Variants in AOPEP observed in about 807,000 individuals in gnomAD.
AOPEP encodes aminopeptidase O.
AOPEP carries 77 observed loss-of-function variants against 98.1 expected under a neutral mutation model. The observed-to-expected ratio is 0.78, with a 90% confidence interval of 0.65 to 0.95. AOPEP has a LOEUF of 0.95. Among genes scored for constraint, AOPEP ranks in the 40% least tolerant of loss-of-function variants. AOPEP has a pLI of 0.00. For missense variants in AOPEP, 1,024 were observed against 1,024.7 expected (o/e 1.00, Z 0.01); for synonymous variants, 346 against 365.3 (o/e 0.95, Z 0.60).
chr9:95,141,480 G>A, the AOPEP span, among the ~76,000 whole-genome samples: 6 of 151,988 alleles, frequency 3.9e-5, no homozygotes, highest in African/African-American at 9.7e-5. Flanking sequence ...TCACCTATAT[G>A]ATTTGACAAC....
At chr9:94,937,960 C>T (rs1484945747) in intron 7 of AOPEP, among the ~76,000 whole-genome samples, 1 of 152,208 alleles carries the variant, frequency 6.6e-6, no homozygotes, top group Non-Finnish European at 1.5e-5. Flanking sequence ...GCAACCTCCA[C>T]CTCCCTGGGT....
At position 94,793,154 on chromosome 9, in the gene AOPEP, A is replaced by G. The variant is rs547794622; in HGVS notation, c.1118+236A>G. On this transcript the variant is annotated intron_variant, in intron 4 of 16. Coordinates refer to ENST00000375315, the MANE Select transcript of AOPEP (RefSeq NM_001193329.3). ...GCCGAGGCGGGTGGATCACGAGGTC[A>G]AGAGACTGAGACCATCCTGACCAAC... 3.2e-4 allele frequency among the ~76,000 whole-genome samples: 48 copies of G among 152,158 alleles called. No homozygotes were observed. The South Asian group carries it at 6.2e-3, about 20-fold the overall frequency.
At chr9:95,102,230 C>G in the AOPEP span, among the ~76,000 whole-genome samples, 2 of 152,242 alleles carry the variant, frequency 1.3e-5, no homozygotes, top group Non-Finnish European at 2.9e-5. Flanking sequence ...TGTGGCTTGA[C>G]TTTCTGCAAA....
At chr9:94,916,576 A>G (rs1193018476) in intron 5 of AOPEP, among the ~76,000 whole-genome samples, 3 of 151,750 alleles carry the variant, frequency 2.0e-5, no homozygotes, top group Admixed American at 1.3e-4. Context: ...GGTGGGGCAC[A>G]CCTGTAGTCC....
chr9:95,127,162 T>C, the AOPEP span: 1 of 154,132 alleles, frequency 6.5e-6, no homozygotes, highest in Non-Finnish European at 1.4e-5. Flanking sequence ...ATCTAATTTC[T>C]CCTTGAATAT....
intron 14 of AOPEP, among the ~76,000 whole-genome samples, chr9:95,076,047 G>A (rs1421303594): frequency 2.0e-5 from 3 of 152,214 alleles, no homozygotes; most frequent in Non-Finnish European, 4.4e-5. Flanking sequence ...GGTAGCTACC[G>A]CTTCCATGGT....
At chr9:94,815,195 A>T (rs1851434961) in intron 5 of AOPEP, among the ~76,000 whole-genome samples, 1 of 152,166 alleles carries the variant, frequency 6.6e-6, no homozygotes, top group Admixed American at 6.5e-5. Context: ...TGATAAATGT[A>T]AAGTGGCCTC....
chr9:94,867,612 T>A (rs1032407154), intron 5 of AOPEP, among the ~76,000 whole-genome samples: 3 of 152,258 alleles, frequency 2.0e-5, no homozygotes, highest in Non-Finnish European at 2.9e-5. Context: ...TGATTTCTTA[T>A]TCTGTCAGAC....
At chr9:94,924,680 G>T (rs1185278115) in intron 6 of AOPEP, among the ~76,000 whole-genome samples, 1 of 152,190 alleles carries the variant, frequency 6.6e-6, no homozygotes, top group Admixed American at 6.5e-5. Flanking sequence ...AGCAGGGGCG[G>T]TATAGATTAG....
chr9:94,806,429 C>G (rs1251362331), intron 5 of AOPEP, among the ~76,000 whole-genome samples: 1 of 152,146 alleles, frequency 6.6e-6, no homozygotes, highest in Non-Finnish European at 1.5e-5. Context: ...GCAGCTCATA[C>G]CATCCTTTTT....
the AOPEP span, among the ~76,000 whole-genome samples, chr9:95,126,159 C>T: frequency 6.6e-6 from 1 of 152,126 alleles, no homozygotes; most frequent in Admixed American, 6.5e-5. Flanking sequence ...GCTTTAAAGT[C>T]TTTTAAAAAT....
chr9:94,906,483 A>AATAATAATAATAATAATAATAAT (rs138384769), intron 5 of AOPEP, among the ~76,000 whole-genome samples: 1,487 of 145,718 alleles, frequency 0.01, 18 homozygotes, highest in Non-Finnish European at 0.015. Context: ...TAATAATAAT[A>AATAATAATAATAATAATAATAAT]AAAAAACAGA....
chr9:95,081,723 G>A (rs567878744), intron 15 of AOPEP, among the ~76,000 whole-genome samples: 124 of 152,322 alleles, frequency 8.1e-4, no homozygotes, highest in Non-Finnish European at 1.2e-3. Flanking sequence ...AGAATTCACT[G>A]CAGTATATTT....
intron 5 of AOPEP, among the ~76,000 whole-genome samples, chr9:94,875,149 C>A (rs1404108151): frequency 1.3e-5 from 2 of 151,920 alleles, no homozygotes; most frequent in Non-Finnish European, 2.9e-5. Flanking sequence ...AAATCAGTAG[C>A]CTTTCTGCTA....
intron 13 of AOPEP, among the ~76,000 whole-genome samples, chr9:95,059,139 A>T (rs1364097875): frequency 6.6e-6 from 1 of 152,218 alleles, no homozygotes; most frequent in Non-Finnish European, 1.5e-5. Flanking sequence ...TAGTAATTTG[A>T]TATCTTTAAA....
chr9:94,802,179 G>C (rs181245768), intron 5 of AOPEP, among the ~76,000 whole-genome samples: 3 of 152,120 alleles, frequency 2.0e-5, no homozygotes, highest in East Asian at 1.9e-4. Flanking sequence ...TGGAGGGGGG[G>C]GCTTCTTTTG....
chr9:94,826,145 G>A (rs1854487667), intron 5 of AOPEP, among the ~76,000 whole-genome samples: 1 of 152,098 alleles, frequency 6.6e-6, no homozygotes, highest in African/African-American at 2.4e-5. Context: ...AGCGGGCAGG[G>A]CACCAGAACA....
intron 1 of AOPEP, among the ~76,000 whole-genome samples, chr9:94,728,256 C>CACACAG (rs1207867084): frequency 6.6e-6 from 1 of 151,942 alleles, no homozygotes; most frequent in African/African-American, 2.4e-5. Context: ...CACACACACA[C>CACACAG]ACACACACAC....
At chr9:95,056,172 C>T (rs990446753) in intron 13 of AOPEP, 5 of 152,206 alleles carry the variant, frequency 3.3e-5, no homozygotes, top group African/African-American at 9.7e-5. Context: ...GGCACAGATC[C>T]CAGAGTGATA....
Sources: gnomAD v4.1 joint callset for allele counts (sites outside exome capture counted in the v4.1 genomes callset) on GRCh38, gnomAD v4.1.1 for gene constraint, MANE v1.5 for transcripts, NCBI Gene and HGNC (gene_info 2026-07-23, HGNC 2026-07-21) for gene names.